ARHGAP26: variants seen among roughly 807,000 people sequenced by gnomAD.
ARHGAP26 encodes Rho GTPase activating protein 26.
ARHGAP26 carries 38 observed loss-of-function variants against 104.8 expected under a neutral mutation model. The observed-to-expected ratio is 0.36, with a 90% CI of 0.28 to 0.48. The LOEUF is 0.48. Ranked by LOEUF, ARHGAP26 falls within the 20% of genes least tolerant of loss-of-function variation. ARHGAP26 has a pLI of 0.99. For synonymous variants in ARHGAP26, 341 were observed against 340.0 expected, an observed-to-expected ratio of 1.00 and a Z score of -0.03; for missense variants, 704 against 947.9, an observed-to-expected ratio of 0.74 and a Z score of 3.38.
Position 143,223,382 on chromosome 5 carries a change from G to A in ARHGAP26, c.*936G>A, listed in dbSNP as rs1196946235. The A allele has an allele frequency of 8.6e-6, 2 of 232,470 alleles. No individual in the cohort carries two copies. Among genetic ancestry groups the A allele is most frequent in the Non-Finnish European group, 1.7e-5 (2 of 117,422 alleles). The allele number at this position is 232,470 out of a possible 1,614,324, so 14.4% of individuals were successfully genotyped here. On this transcript the variant is annotated 3_prime_UTR_variant, in exon 23 of 23. Transcript: ENST00000645722. ...ATTTCAGCAGCATCGGAATATATTT[G>A]GAGCACACCCTAGTAACCTCTTGAG...
At chr5:143,134,958 A>C (rs778862015) in intron 19 of ARHGAP26, among the ~76,000 whole-genome samples, 2 of 152,278 alleles carry the variant, frequency 1.3e-5, no homozygotes, top group Non-Finnish European at 2.9e-5. Context: ...ACAGATAACC[A>C]AGGATGGTTC....
intron 17 of ARHGAP26, among the ~76,000 whole-genome samples, chr5:143,085,989 T>C (rs1010163179): frequency 6.6e-6 from 1 of 152,220 alleles, no homozygotes; most frequent in African/African-American, 2.4e-5. Context: ...TTAATAATTT[T>C]TTTCACAAAG....
At chr5:143,111,612 A>C (rs929771079) in intron 17 of ARHGAP26, among the ~76,000 whole-genome samples, 2 of 152,248 alleles carry the variant, frequency 1.3e-5, no homozygotes, top group African/African-American at 4.8e-5. Context: ...CAGGCAGGAA[A>C]TAAAGGAATT....
rs779872777 is a variant in ARHGAP26, at chr5:143,041,868, G to A, written c.1263G>A (p.Gln421=). 4 of 1,598,412 alleles carry A rather than the reference G, an allele frequency of 2.5e-6. No individual in the cohort carries two copies. The highest frequency in any genetic ancestry group is 3.4e-6 in the Non-Finnish European group (4 of 1,172,058). The part of the protein sequence containing the change: ...YRIVGVNSRV[Q]KLLSVLMDPK... ...TTGTGGGTGTCAACTCCAGAGTGCAGAAGTTGCTGAGTGTCCTGATGGGTG... is the reference window on the plus strand; with the variant it reads ...TTGTGGGTGTCAACTCCAGAGTGCAAAAGTTGCTGAGTGTCCTGATGGGTG... The change falls in exon 14 of 23, where the codon CAG becomes CAA. Residue 421 remains glutamine, a synonymous_variant. Coordinates refer to ENST00000645722, the MANE Select transcript of ARHGAP26 (RefSeq NM_001135608.3).
intron 1 of ARHGAP26, among the ~76,000 whole-genome samples, chr5:142,846,865 C>T (rs951806596): frequency 1.3e-5 from 2 of 152,200 alleles, no homozygotes; most frequent in African/African-American, 4.8e-5. Context: ...GAATAACTCT[C>T]CCTTAAAGGA....
intron 9 of ARHGAP26, 22 bp from the exon 10 acceptor site, chr5:142,913,177 A>T (rs1762057342): frequency 3.7e-6 from 6 of 1,606,608 alleles, no homozygotes; most frequent in Non-Finnish European, 4.3e-6. Flanking sequence ...CCTCATCTTG[A>T]TAGTCTGTGT....
chr5:143,030,639 G>T (rs1186246629), intron 12 of ARHGAP26, among the ~76,000 whole-genome samples: 2 of 152,182 alleles, frequency 1.3e-5, no homozygotes, highest in Admixed American at 1.3e-4. Flanking sequence ...AAGGTTAAAA[G>T]AACTCATCTA....
intron 11 of ARHGAP26, among the ~76,000 whole-genome samples, chr5:143,004,576 A>T (rs1777674362): frequency 6.6e-6 from 1 of 152,190 alleles, no homozygotes; most frequent in South Asian, 2.1e-4. Context: ...TTAGTGGACC[A>T]TGAAGAGCTC....
At chr5:142,863,458 A>G (rs896301249) in intron 1 of ARHGAP26, among the ~76,000 whole-genome samples, 3 of 152,194 alleles carry the variant, frequency 2.0e-5, no homozygotes, top group African/African-American at 7.2e-5. Context: ...CCCTAGGTTC[A>G]CATGTATAGT....
chr5:142,863,992 C>G (rs1753815519), intron 1 of ARHGAP26, among the ~76,000 whole-genome samples: 1 of 152,038 alleles, frequency 6.6e-6, no homozygotes, highest in Non-Finnish European at 1.5e-5. Context: ...TCCACCTGCC[C>G]CTCCCCACCA....
At position 143,226,512 on chromosome 5, in the gene ARHGAP26, C is replaced by T. The variant is rs931759637; in HGVS notation, c.*4066C>T. On this transcript the variant is annotated 3_prime_UTR_variant, in exon 23 of 23. Transcript: ENST00000645722. ...AAAAAAAAAAAAAAAAAAAAGAATG[C>T]CATGCCAGGAGAAGACAGCTGGTTT... is the stretch of plus-strand genomic sequence containing the variant. The T allele has an allele frequency of 2.1e-5, 4 of 187,318 alleles. No homozygotes were observed. The highest frequency in any genetic ancestry group is 8.4e-5 in the East Asian group (1 of 11,870). The allele number at this position is 187,318 out of a possible 1,614,324, so 11.6% of individuals were successfully genotyped here.
rs1037671131 is a variant in ARHGAP26 at position 143,046,814 on chromosome 5, T to C, written c.1285+4924T>C. On this transcript the variant is annotated intron_variant, in intron 14 of 22. Coordinates refer to ENST00000645722, the MANE Select transcript of ARHGAP26 (RefSeq NM_001135608.3). ...TAAATTTTTTCCTGATGAAAAGTTATGAGTGGTCATTGTGAAAATTTGGAG... is the reference window on the plus strand; with the variant it reads ...TAAATTTTTTCCTGATGAAAAGTTACGAGTGGTCATTGTGAAAATTTGGAG... Among the ~76,000 whole-genome samples, 4 of 152,356 alleles carry C rather than the reference T, an allele frequency of 2.6e-5. No homozygotes were observed. In the South Asian group the frequency reaches 6.2e-4, roughly 24 times the overall value.
chr5:142,890,483 G>A (rs1395964050), intron 5 of ARHGAP26, among the ~76,000 whole-genome samples: 1 of 151,488 alleles, frequency 6.6e-6, no homozygotes, highest in East Asian at 2.0e-4. Context: ...ATTACACAGG[G>A]TCTTGCAGAC....
chr5:143,060,527 G>A (rs1349801121), intron 17 of ARHGAP26, among the ~76,000 whole-genome samples: 5 of 152,050 alleles, frequency 3.3e-5, no homozygotes, highest in Non-Finnish European at 7.3e-5. Flanking sequence ...TCACAGAGAT[G>A]TTGGATTTGT....
At chr5:142,869,703 G>A (rs1170799203) in intron 1 of ARHGAP26, among the ~76,000 whole-genome samples, 1 of 152,144 alleles carries the variant, frequency 6.6e-6, no homozygotes, top group African/African-American at 2.4e-5. Context: ...GGTATTACTG[G>A]TACAACTTGT....
intron 11 of ARHGAP26, among the ~76,000 whole-genome samples, chr5:143,013,502 A>T (rs1779167361): frequency 1.3e-5 from 2 of 152,230 alleles, no homozygotes. Context: ...TCCTTATAAC[A>T]TTCAAATTTC....
rs531318210 is a variant in ARHGAP26, at chr5:142,803,572, G to A, written c.154+32657G>A. On this transcript the variant is annotated intron_variant, in intron 1 of 22. Coordinates refer to ENST00000645722, the MANE Select transcript of ARHGAP26 (RefSeq NM_001135608.3). Reference sequence around the variant, plus strand: ...ATTTTTGTTGAGAAATAAGCCGGACGGAAATCTCTGTGATGACACTTCCTT... The same window carrying A: ...ATTTTTGTTGAGAAATAAGCCGGACAGAAATCTCTGTGATGACACTTCCTT... Among the ~76,000 whole-genome samples, 275 of 152,288 alleles carry A rather than the reference G, an allele frequency of 1.8e-3. 2 individuals carry two copies. The highest frequency in any genetic ancestry group is 6.4e-3 in the African/African-American group (266 of 41,562).
At chr5:143,203,120 A>G (rs1437458873) in intron 20 of ARHGAP26, 2 of 152,212 alleles carry the variant, frequency 1.3e-5, no homozygotes, top group Non-Finnish European at 2.9e-5. Flanking sequence ...AGAAGAAACT[A>G]TCATCAGAGT....
chr5:142,783,350 G>T (rs1019120561), intron 1 of ARHGAP26, among the ~76,000 whole-genome samples: 1 of 152,210 alleles, frequency 6.6e-6, no homozygotes, highest in Non-Finnish European at 1.5e-5. Flanking sequence ...CAGCGGATGT[G>T]GGGGAGCTCC....
Sources: allele counts gnomAD v4.1 joint callset (sites outside exome capture counted in the v4.1 genomes callset), GRCh38; gene constraint gnomAD v4.1.1; transcripts MANE v1.5; gene names NCBI Gene and HGNC (gene_info 2026-07-23, HGNC 2026-07-21).